Variants in TACC2 observed in about 807,000 individuals in gnomAD.
The protein encoded by TACC2 is transforming acidic coiled-coil containing protein 2.
TACC2 carries 137 observed loss-of-function variants against 227.3 expected under a neutral mutation model. The observed-to-expected ratio is 0.60, with a 90% CI of 0.52 to 0.69. TACC2 has a LOEUF of 0.69. TACC2 is among the 30% of genes least tolerant of loss of function. The pLI is 0.00. For missense variants in TACC2, 3,470 were observed against 3,694.4 expected (o/e 0.94, Z 1.57); for synonymous variants, 1,523 against 1,487.5 (o/e 1.02, Z -0.55).
intron 2 of TACC2, among the ~76,000 whole-genome samples, chr10:122,040,727 T>A (rs1233979206): frequency 6.6e-6 from 1 of 152,220 alleles, no homozygotes; most frequent in Non-Finnish European, 1.5e-5. Context: ...TTCTATTGTC[T>A]GGGTGTTTCT....
At chr10:122,228,324 C>T (rs567094891) in intron 14 of TACC2, among the ~76,000 whole-genome samples, 13 of 152,312 alleles carry the variant, frequency 8.5e-5, no homozygotes, top group Admixed American at 2.0e-4. Context: ...AGTCCTCTGC[C>T]GCTTCGTCCT....
At chr10:122,129,490 A>G (rs900550079) in intron 5 of TACC2, among the ~76,000 whole-genome samples, 3 of 152,328 alleles carry the variant, frequency 2.0e-5, no homozygotes, top group Middle Eastern at 3.4e-3. Flanking sequence ...TGTGATCAGC[A>G]TATTTGCCCA....
chr10:121,996,943 C>T (rs1319944694), intron 1 of TACC2, among the ~76,000 whole-genome samples: 1 of 151,952 alleles, frequency 6.6e-6, no homozygotes, highest in African/African-American at 2.4e-5. Flanking sequence ...AACACCAAAT[C>T]CTGAAGCTCC....
At chr10:122,166,029 G>A (rs1489922214) in intron 7 of TACC2, among the ~76,000 whole-genome samples, 2 of 152,186 alleles carry the variant, frequency 1.3e-5, no homozygotes, top group East Asian at 1.9e-4. Flanking sequence ...ATGCATGCAC[G>A]TGAATAATAC....
intron 9 of TACC2, among the ~76,000 whole-genome samples, chr10:122,212,900 T>C (rs575585624): frequency 1.3e-5 from 2 of 152,334 alleles, no homozygotes; most frequent in East Asian, 3.9e-4. Flanking sequence ...AAGCCTGGAA[T>C]AGGAGAAGTC....
intron 8 of TACC2, among the ~76,000 whole-genome samples, chr10:122,201,959 C>G (rs2094874278): frequency 6.6e-6 from 1 of 151,280 alleles, no homozygotes. Context: ...TGAAACTGAC[C>G]TCTTTTGAAT....
At chr10:122,011,625 G>C (rs369173621) in intron 1 of TACC2, among the ~76,000 whole-genome samples, 13 of 152,190 alleles carry the variant, frequency 8.5e-5, no homozygotes, top group African/African-American at 2.4e-4. Context: ...GCCGTGCCTG[G>C]CCATAGTCCC....
At chr10:122,228,815 A>G (rs564745980) in intron 14 of TACC2, among the ~76,000 whole-genome samples, 46 of 152,190 alleles carry the variant, frequency 3.0e-4, no homozygotes, top group African/African-American at 1.0e-3. Flanking sequence ...ATGTGAATCA[A>G]TCTCTCACAT....
At chr10:122,182,280 C>T (rs767124018) in intron 7 of TACC2, among the ~76,000 whole-genome samples, 2 of 152,178 alleles carry the variant, frequency 1.3e-5, no homozygotes, top group Non-Finnish European at 2.9e-5. Flanking sequence ...AAACATGAAA[C>T]CTGCTCTGGA....
intron 5 of TACC2, among the ~76,000 whole-genome samples, chr10:122,129,143 C>T (rs1473953521): frequency 2.6e-5 from 4 of 151,128 alleles, no homozygotes; most frequent in Non-Finnish European, 5.9e-5. Context: ...TGCAATGGCA[C>T]GATCTCTGCT....
chr10:122,124,014 A>G (rs1167099504), intron 5 of TACC2, among the ~76,000 whole-genome samples: 1 of 151,912 alleles, frequency 6.6e-6, no homozygotes, highest in Admixed American at 6.6e-5. Flanking sequence ...GGGTTTCACC[A>G]TGTTGGCCAG....
At chr10:122,226,131 C>T (rs1183247596) in intron 12 of TACC2, among the ~76,000 whole-genome samples, 1 of 152,224 alleles carries the variant, frequency 6.6e-6, no homozygotes, top group Non-Finnish European at 1.5e-5. Context: ...TCTCCCCTGG[C>T]CACGTTCCTA....
chr10:122,111,979 T>C (rs1482179938), intron 5 of TACC2, among the ~76,000 whole-genome samples: 1 of 152,200 alleles, frequency 6.6e-6, no homozygotes, highest in East Asian at 1.9e-4. Flanking sequence ...CACTGCGTTA[T>C]TTAAAAAACA....
chr10:122,130,268 T>C (rs1241750732), intron 5 of TACC2, among the ~76,000 whole-genome samples: 1 of 152,150 alleles, frequency 6.6e-6, no homozygotes, highest in Non-Finnish European at 1.5e-5. Flanking sequence ...AGTGCTGAGA[T>C]TACAGGTGTG....
At chr10:122,028,732 T>TTCCC (rs1321946988) in intron 2 of TACC2, among the ~76,000 whole-genome samples, 1 of 143,082 alleles carries the variant, frequency 7.0e-6, no homozygotes, top group Non-Finnish European at 1.5e-5. Flanking sequence ...CCTTCCTTCC[T>TTCCC]TCCCCCTCCC....
intron 5 of TACC2, among the ~76,000 whole-genome samples, chr10:122,089,029 C>T (rs573081283): frequency 9.2e-5 from 14 of 152,130 alleles, no homozygotes; most frequent in East Asian, 3.9e-4. Context: ...TTGGGAGGAT[C>T]GATCGTTTGA....
chr10:122,129,902 A>G (rs982278348), intron 5 of TACC2, among the ~76,000 whole-genome samples: 2 of 152,216 alleles, frequency 1.3e-5, no homozygotes, highest in Admixed American at 6.5e-5. Context: ...GTCCAATCGT[A>G]TTGAGAGGAT....
At chr10:122,142,612 C>T (rs2090773866) in intron 6 of TACC2, among the ~76,000 whole-genome samples, 1 of 152,180 alleles carries the variant, frequency 6.6e-6, no homozygotes, top group Admixed American at 6.5e-5. Context: ...CTGGGAGCTC[C>T]CTGGAGGTGT....
At chr10:122,237,178 C>T (rs142744883) in intron 16 of TACC2, among the ~76,000 whole-genome samples, 59 of 152,276 alleles carry the variant, frequency 3.9e-4, no homozygotes, top group African/African-American at 1.3e-3. Flanking sequence ...CTGCCATTAG[C>T]CCCTTTGTCT....
Sources: gnomAD v4.1 joint callset for allele counts (sites outside exome capture counted in the v4.1 genomes callset) on GRCh38, gnomAD v4.1.1 for gene constraint, MANE v1.5 for transcripts, NCBI Gene and HGNC (gene_info 2026-07-23, HGNC 2026-07-21) for gene names.